ROR1: variants seen among roughly 807,000 people sequenced by gnomAD.
The protein encoded by ROR1 is ROR family WNT receptor 1.
ROR1 carries 19 observed loss-of-function variants against 78.8 expected under a neutral mutation model. The observed-to-expected ratio is 0.24, with a 90% CI of 0.17 to 0.35. ROR1 has a LOEUF of 0.35. Ranked by LOEUF, ROR1 falls within the 10% of genes least tolerant of loss-of-function variation. The pLI, the probability that ROR1 is intolerant of heterozygous loss-of-function variation, is 1.00. For missense variants in ROR1, 917 were observed against 1,177.8 expected (o/e 0.78, Z 3.24); for synonymous variants, 386 against 433.6 (o/e 0.89, Z 1.36).
chr1:63,849,863 A>G (rs1052052261), intron 1 of ROR1, among the ~76,000 whole-genome samples: 5 of 152,204 alleles, frequency 3.3e-5, no homozygotes, highest in Non-Finnish European at 5.9e-5. Flanking sequence ...AAAGCAGACA[A>G]AAGTGACAAA....
chr1:63,959,621 TC>T (rs762842840), intron 1 of ROR1, among the ~76,000 whole-genome samples: 7 of 152,170 alleles, frequency 4.6e-5, no homozygotes, highest in Non-Finnish European at 1.0e-4. Flanking sequence ...GTTTAAAGTT[TC>T]TTTTTCTCAA....
chr1:63,782,269 A>G (rs1644655769), intron 1 of ROR1, among the ~76,000 whole-genome samples: 1 of 152,180 alleles, frequency 6.6e-6, no homozygotes, highest in African/African-American at 2.4e-5. Flanking sequence ...GCTTTCTCAC[A>G]GTTAAGTGAA....
chr1:64,073,836 A>G (rs1175339901), intron 4 of ROR1, among the ~76,000 whole-genome samples: 1 of 141,188 alleles, frequency 7.1e-6, no homozygotes, highest in Non-Finnish European at 1.5e-5. Flanking sequence ...GTGGGAAAGG[A>G]AAAAAAAATC....
intron 1 of ROR1, among the ~76,000 whole-genome samples, chr1:63,958,146 A>G (rs1342711153): frequency 2.0e-5 from 3 of 152,154 alleles, no homozygotes; most frequent in Admixed American, 2.0e-4. Context: ...AATTTTATTT[A>G]CTCATTTTCT....
At position 64,133,232 on chromosome 1, in the gene ROR1, G is replaced by A. The variant is rs568794038; in HGVS notation, c.483-4137G>A. On this transcript the variant is annotated intron_variant, in intron 4 of 8. Coordinates refer to ENST00000371079, the MANE Select transcript of ROR1 (RefSeq NM_005012.4). The stretch of plus-strand genomic sequence containing the variant: ...GCATGGGTCAAGCCATGTCCGCATC[G>A]AAGTGCATCCTGTGGTTTGAGACTA... Among the ~76,000 whole-genome samples the A allele has an allele frequency of 2.2e-4, 33 of 152,248 alleles. 1 individual carries two copies. The highest frequency in any genetic ancestry group is 1.3e-3 in the Admixed American group (20 of 15,296).
intron 4 of ROR1, among the ~76,000 whole-genome samples, chr1:64,127,385 C>T (rs2762842): frequency 0.67 from 101,185 of 151,958 alleles, 34,416 homozygotes; most frequent in East Asian, 0.97. Flanking sequence ...ACAAGGTAGG[C>T]GTATAGTAAG....
At chr1:63,955,982 G>C (rs1358750693) in intron 1 of ROR1, among the ~76,000 whole-genome samples, 1 of 152,164 alleles carries the variant, frequency 6.6e-6, no homozygotes, top group Non-Finnish European at 1.5e-5. Context: ...CAGAAGGGCA[G>C]CTGCAGCACT....
At chr1:63,893,634 G>T (rs1645416968) in intron 1 of ROR1, among the ~76,000 whole-genome samples, 1 of 151,906 alleles carries the variant, frequency 6.6e-6, no homozygotes, top group African/African-American at 2.4e-5. Context: ...TTTTCTGGTT[G>T]CCTTTGCTAC....
chr1:63,928,325 G>C (rs1456786534), intron 1 of ROR1, among the ~76,000 whole-genome samples: 1 of 152,142 alleles, frequency 6.6e-6, no homozygotes, highest in African/African-American at 2.4e-5. Context: ...TGTCTGCTTA[G>C]AGCCATCCAG....
At chr1:63,959,392 C>G (rs1321129969) in intron 1 of ROR1, among the ~76,000 whole-genome samples, 1 of 152,094 alleles carries the variant, frequency 6.6e-6, no homozygotes, top group African/African-American at 2.4e-5. Flanking sequence ...GTAACTGTCT[C>G]TTGTGATTTG....
At chr1:64,034,939 C>T (rs1569591589) in intron 2 of ROR1, among the ~76,000 whole-genome samples, 1 of 152,174 alleles carries the variant, frequency 6.6e-6, no homozygotes, top group African/African-American at 2.4e-5. Flanking sequence ...TCCATAGACT[C>T]TCCCTAATAG....
chr1:63,805,627 T>A (rs544204161), intron 1 of ROR1, among the ~76,000 whole-genome samples: 1 of 152,146 alleles, frequency 6.6e-6, no homozygotes, highest in Admixed American at 6.5e-5. Flanking sequence ...TGGTAAAGAG[T>A]AGAAGTTTGA....
chr1:64,040,986 AAGG>A (rs1364775625), intron 2 of ROR1, among the ~76,000 whole-genome samples: 3 of 152,188 alleles, frequency 2.0e-5, no homozygotes, highest in Non-Finnish European at 4.4e-5. Flanking sequence ...TTGGTGTGGG[AAGG>A]AGGTTTTATC....
intron 1 of ROR1, among the ~76,000 whole-genome samples, chr1:63,998,358 A>T (rs1439317172): frequency 6.6e-6 from 1 of 151,816 alleles, no homozygotes; most frequent in Non-Finnish European, 1.5e-5. Flanking sequence ...CTTTCCTATT[A>T]AATTACATGG....
At chr1:63,805,237 G>T (rs1215097255) in intron 1 of ROR1, among the ~76,000 whole-genome samples, 2 of 152,348 alleles carry the variant, frequency 1.3e-5, no homozygotes, top group Admixed American at 6.5e-5. Flanking sequence ...GGGAGGGGAA[G>T]GAACGAGGAG....
In ROR1 at chr1:63,860,772, G is replaced by GAA. The variant is rs1319567628; in HGVS notation, c.91+86281_91+86282dup. 2.9e-3 allele frequency among the ~76,000 whole-genome samples: 338 copies of GAA among 116,762 alleles called. 4 individuals carry two copies. The highest frequency in any genetic ancestry group is 8.4e-3 in the East Asian group (34 of 4,052). 76.6% of individuals were successfully genotyped at this position (116,762 alleles called of 152,430 possible). ...CAACAGAGCAAGAGTCTGTCTCGGG[G>GAA]AAAAAAAAAAAAAAAAAAGAAGAAG... On this transcript the variant is annotated intron_variant, in intron 1 of 8. Transcript: ENST00000371079.
chr1:64,071,675 A>G (rs1199978099), intron 4 of ROR1, among the ~76,000 whole-genome samples: 3 of 151,608 alleles, frequency 2.0e-5, no homozygotes, highest in Non-Finnish European at 4.4e-5. Flanking sequence ...GGATTTTCCC[A>G]TCATCAGGAA....
Position 63,988,802 on chromosome 1 carries a change from C to T in ROR1, c.92-20503C>T, listed in dbSNP as rs145007168. On this transcript the variant is annotated intron_variant, in intron 1 of 8. Coordinates refer to ENST00000371079, the MANE Select transcript of ROR1 (RefSeq NM_005012.4). ...TTGTCAAGATTCATCCATGTTAGAG[C>T]ATGTGCTAGAATTTTCTTCCTTTTT... 4.9e-3 allele frequency among the ~76,000 whole-genome samples: 746 copies of T among 152,336 alleles called. 5 individuals are homozygous for T. The highest frequency in any genetic ancestry group is 0.017 in the African/African-American group (700 of 41,586).
At chr1:63,971,112 A>G (rs1323590007) in intron 1 of ROR1, among the ~76,000 whole-genome samples, 1 of 152,178 alleles carries the variant, frequency 6.6e-6, no homozygotes, top group Non-Finnish European at 1.5e-5. Context: ...CTTATTTCCT[A>G]GATAGATGTT....
Sources: gnomAD v4.1 joint callset for allele counts (sites outside exome capture counted in the v4.1 genomes callset) on GRCh38, gnomAD v4.1.1 for gene constraint, MANE v1.5 for transcripts, NCBI Gene and HGNC (gene_info 2026-07-23, HGNC 2026-07-21) for gene names.